The following AHDC1 variants were observed in gnomAD, a reference collection of about 807,000 sequenced individuals.
AHDC1 encodes transcription factor Gibbin.
Under a neutral mutation model 87.9 loss-of-function variants are expected in AHDC1, and 7 were observed. The ratio of observed to expected loss-of-function variants is 0.08; its 90% CI spans 0.05 to 0.15. The LOEUF is 0.15. Ranked by LOEUF, AHDC1 falls within the 10% of genes least tolerant of loss-of-function variation. The pLI is 1.00. For missense variants in AHDC1, 1,841 were observed against 2,253.2 expected (o/e 0.82, Z 3.70); for synonymous variants, 1,051 against 1,006.8 (o/e 1.04, Z -0.83).
intron 3 of AHDC1, among the ~76,000 whole-genome samples, chr1:27,584,668 G>A (rs1019588086): frequency 1.1e-4 from 16 of 152,112 alleles, no homozygotes; most frequent in African/African-American, 3.9e-4. Context: ...GTGCTCTATA[G>A]AGGCTTCTGA....
intron 3 of AHDC1, among the ~76,000 whole-genome samples, chr1:27,575,009 C>T (rs905810727): frequency 2.6e-5 from 4 of 152,256 alleles, no homozygotes; most frequent in African/African-American, 9.6e-5. Context: ...CATCTGCCCC[C>T]ACATCGGCTC....
In AHDC1 at chr1:27,547,027, A is replaced by AC. The variant is rs563662300; in HGVS notation, c.*43+233dup. Reference sequence around the variant, plus strand: ...TCCTCTGGCCATTTCAATTCACAAGACCCCCCCGAACGTTCAAGCCCCCTG... The same window carrying AC: ...TCCTCTGGCCATTTCAATTCACAAGACCCCCCCCGAACGTTCAAGCCCCCTG... On this transcript the variant is annotated intron_variant, in intron 8 of 8. Coordinates refer to ENST00000673934, the MANE Select transcript of AHDC1 (RefSeq NM_001371928.1). This position sits in a 1 kb window ranked among gnomAD's most constrained non-coding sequence, Gnocchi z 4.9. 5.3e-5 allele frequency among the ~76,000 whole-genome samples: 8 copies of AC among 149,806 alleles called. No homozygotes were observed. Among genetic ancestry groups the AC allele is most frequent in the Non-Finnish European group, 1.0e-4 (7 of 67,352 alleles).
At chr1:27,579,751 T>C (rs1490256772) in intron 3 of AHDC1, among the ~76,000 whole-genome samples, 1 of 152,262 alleles carries the variant, frequency 6.6e-6, no homozygotes, top group Non-Finnish European at 1.5e-5. Flanking sequence ...TGTCTATGAC[T>C]GCTTTCAAGG....
chr1:27,577,184 C>G (rs2088779629), intron 3 of AHDC1, among the ~76,000 whole-genome samples: 1 of 152,216 alleles, frequency 6.6e-6, no homozygotes, highest in African/African-American at 2.4e-5. Flanking sequence ...TGGGAGGACA[C>G]AGTCATCCCT....
rs1032556769 is a variant in AHDC1 at position 27,551,509 on chromosome 1, C to T, written c.607G>A (p.Glu203Lys). ...CCAGGCTGGGGACTGTCCCTAGGCT[C>T]AGGCTCAGGCTCGTAGAGGGGATGG... ...PSHPLYEPEP[E>K]PRDSPQPGQG... The change falls in exon 8 of 9, where the codon GAG (glutamate) becomes AAG (lysine). Residue 203 changes from glutamate to lysine, a missense_variant. Glu to Lys is a moderately conservative substitution (Grantham distance 56, BLOSUM62 1). Around this residue, in one of 13 missense-constraint regions of AHDC1, gnomAD observed 370 missense variants for 391.5 expected, o/e 0.95. Transcript: ENST00000673934. 3 of 1,603,622 alleles carry T rather than the reference C, an allele frequency of 1.9e-6. No homozygotes were observed. In the Admixed American group the frequency reaches 5.0e-5, roughly 27 times the overall value.
chr1:27,564,083 G>GC (rs1377195677), intron 3 of AHDC1, among the ~76,000 whole-genome samples: 4 of 152,114 alleles, frequency 2.6e-5, no homozygotes, highest in African/African-American at 9.7e-5. Flanking sequence ...CCTTACAAAG[G>GC]CCCCCTCTCC....
chr1:27,541,001 T>TAAAAAAAAAAAAAAA (rs55912405), intron 8 of AHDC1, among the ~76,000 whole-genome samples: 1 of 72,368 alleles, frequency 1.4e-5, no homozygotes, highest in Admixed American at 1.9e-4. Flanking sequence ...CTAAAAATGC[T>TAAAAAAAAAAAAAAA]AAAAAAAAAA....
chr1:27,535,774 G>A (rs1462559737), intron 8 of AHDC1, among the ~76,000 whole-genome samples: 1 of 152,020 alleles, frequency 6.6e-6, no homozygotes, highest in African/African-American at 2.4e-5. Context: ...GAGATTGGAA[G>A]TACCCCTTTT....
Position 27,547,640 on chromosome 1 carries a change from C to G in AHDC1, c.4476G>C (p.Leu1492=). ...TGAGGCACGCGGCCTCCGTCCTGCC[C>G]AGGAAGTCAGCCAGCAGCCCTGTAC... is the stretch of plus-strand genomic sequence containing the variant. ...KVGTGLLADF[L]GRTEAACLSA... Residue 1492 remains leucine (L), a synonymous_variant, in exon 8 of 9, where the codon CTG becomes CTC. Coordinates refer to ENST00000673934, the MANE Select transcript of AHDC1 (RefSeq NM_001371928.1). The surrounding 1 kb of genome is among the most constrained non-coding windows in gnomAD (Gnocchi z 4.9). The G allele has an allele frequency of 6.3e-7, 1 of 1,598,966 alleles. No individual in the cohort carries two copies. Among genetic ancestry groups the G allele is most frequent in the Non-Finnish European group, 8.5e-7 (1 of 1,173,500 alleles).
intron 3 of AHDC1, among the ~76,000 whole-genome samples, chr1:27,584,963 A>C (rs1040655554): frequency 6.6e-6 from 1 of 152,132 alleles, no homozygotes. Context: ...ACCTGAGGTC[A>C]GGAGTTCGAG....
chr1:27,576,932 A>C (rs1358097897), intron 3 of AHDC1, among the ~76,000 whole-genome samples: 1 of 152,138 alleles, frequency 6.6e-6, no homozygotes, highest in African/African-American at 2.4e-5. Context: ...TATACAGTGC[A>C]TCCCAGTGCT....
Position 27,551,246 on chromosome 1 carries a change from C to T in AHDC1, c.870G>A (p.Pro290=), listed in dbSNP as rs369838366. Residue 290 remains proline, a synonymous_variant, in exon 8 of 9, where the codon CCG becomes CCA. Transcript: ENST00000673934. ...PRFLDPQALE[P]LGEALELPPL... is the part of the protein sequence containing the mutation. Reference sequence around the variant, plus strand: ...GTGGCAGCTCCAGAGCTTCCCCGAGCGGCTCTAGTGCCTGCGGGTCCAGGA... The same window carrying T: ...GTGGCAGCTCCAGAGCTTCCCCGAGTGGCTCTAGTGCCTGCGGGTCCAGGA... The T allele has an allele frequency of 6.4e-4, 1,033 of 1,609,622 alleles. 3 individuals carry two copies. The highest frequency in any genetic ancestry group is 1.3e-3 in the South Asian group (120 of 91,070).
intron 3 of AHDC1, among the ~76,000 whole-genome samples, chr1:27,579,252 T>C (rs2088842970): frequency 6.6e-6 from 1 of 152,100 alleles, no homozygotes; most frequent in South Asian, 2.1e-4. Context: ...CCCAGGCTGG[T>C]GTTCTAGGTC....
intron 8 of AHDC1, among the ~76,000 whole-genome samples, chr1:27,540,127 C>G (rs903874364): frequency 5.3e-5 from 8 of 152,198 alleles, no homozygotes; most frequent in African/African-American, 1.9e-4. Context: ...CCCTTCCTGG[C>G]TCTACCTTCT....
intron 5 of AHDC1, chr1:27,553,521 G>A (rs1215063298): frequency 6.6e-6 from 1 of 152,168 alleles, no homozygotes; most frequent in Non-Finnish European, 1.5e-5. Flanking sequence ...CACACCGGGA[G>A]TCAACAATAA....
In AHDC1 at chr1:27,549,061, C is replaced by T. The variant is rs373215750; in HGVS notation, c.3055G>A (p.Gly1019Ser). The T allele has an allele frequency of 3.9e-5, 62 of 1,571,118 alleles. No individual in the cohort carries two copies. In the African/African-American group the frequency reaches 4.9e-4, roughly 12 times the overall value. ...PASPSSAHSA[G>S]YAPPPTGGPC... Reference sequence around the variant, plus strand: ...CCCCCGGTAGGCGGTGGGGCATAGCCGGCGCTGTGGGCGCTGCTGGGTGAG... The same window carrying T: ...CCCCCGGTAGGCGGTGGGGCATAGCTGGCGCTGTGGGCGCTGCTGGGTGAG... The change falls in exon 8 of 9, where the codon GGC becomes AGC. Residue 1019 changes from glycine (G) to serine (S), a missense_variant. This residue lies in a region of AHDC1 where 378 missense variants were observed against 399.0 expected (regional missense o/e 0.95). Coordinates refer to ENST00000673934, the MANE Select transcript of AHDC1 (RefSeq NM_001371928.1).
intron 3 of AHDC1, among the ~76,000 whole-genome samples, chr1:27,597,466 G>A (rs1273287900): frequency 1.3e-5 from 2 of 152,168 alleles, no homozygotes. Context: ...CCGGGTGAAT[G>A]TGAGGGGGTG....
intron 8 of AHDC1, among the ~76,000 whole-genome samples, chr1:27,545,397 G>A (rs1054841650): frequency 1.3e-5 from 2 of 152,044 alleles, no homozygotes; most frequent in African/African-American, 4.8e-5. Flanking sequence ...GGGCCAGAAT[G>A]TGGGGCTGGA....
At position 27,558,982 on chromosome 1, in the gene AHDC1, T is replaced by C. The variant is rs2019946082; in HGVS notation, c.-628-99A>G. On this transcript the variant is annotated intron_variant, in intron 3 of 8. Transcript: ENST00000673934. This position sits in a 1 kb window ranked among gnomAD's most constrained non-coding sequence, Gnocchi z 5.6. ...CGGACACTGAGCCAGGAAGCTCTCC[T>C]ACATGGAGTCCCATCCACCTCCAAC... 2 of 397,786 alleles carry C rather than the reference T, an allele frequency of 5.0e-6. No homozygotes were observed. The allele number at this position is 397,786 out of a possible 1,614,324, so 24.6% of individuals were successfully genotyped here.
Sources: allele counts gnomAD v4.1 joint callset (sites outside exome capture counted in the v4.1 genomes callset), GRCh38; gene constraint gnomAD v4.1.1; regional missense constraint gnomAD v4.1.1; non-coding constraint Gnocchi (gnomAD v3.1); transcripts MANE v1.5; gene names NCBI Gene and HGNC (gene_info 2026-07-23, HGNC 2026-07-21).